The following CACNA2D3 variants were observed in gnomAD, a reference collection of about 807,000 sequenced individuals.
CACNA2D3 encodes the protein voltage-dependent calcium channel subunit alpha-2/delta-3.
Under a neutral mutation model 160.6 loss-of-function variants are expected in CACNA2D3, and 60 were observed. The observed-to-expected ratio is 0.37, with a 90% CI of 0.30 to 0.46. The LOEUF is 0.46. Ranked by LOEUF, CACNA2D3 falls within the 20% of genes least tolerant of loss-of-function variation. The pLI, the probability that CACNA2D3 is intolerant of heterozygous loss-of-function variation, is 1.00. For missense variants in CACNA2D3, 1,205 were observed against 1,365.0 expected (o/e 0.88, Z 1.85); for synonymous variants, 558 against 492.9 (o/e 1.13, Z -1.75).
At chr3:54,911,074 AATCTTAGTCATTAC>A (rs1362271307) in intron 27 of CACNA2D3, among the ~76,000 whole-genome samples, 17 of 152,102 alleles carry the variant, frequency 1.1e-4, no homozygotes, top group African/African-American at 4.1e-4. Flanking sequence ...TTTTAAATCA[AATCTTAGTCATTAC>A]ATCGTTTCAT....
chr3:54,768,544 C>T (rs1702262594), intron 13 of CACNA2D3, among the ~76,000 whole-genome samples: 1 of 152,140 alleles, frequency 6.6e-6, no homozygotes, highest in South Asian at 2.1e-4. Context: ...ACTTTTGTGA[C>T]CACAGAGCCA....
At chr3:54,534,023 A>C (rs1032666192) in intron 5 of CACNA2D3, among the ~76,000 whole-genome samples, 1 of 152,194 alleles carries the variant, frequency 6.6e-6, no homozygotes, top group Non-Finnish European at 1.5e-5. Flanking sequence ...ACACACCCAC[A>C]TCCTGTCCCA....
chr3:55,074,451 C>T lies in CACNA2D3; in HGVS notation c.*245C>T, dbSNP rs913602578. On this transcript the variant is annotated 3_prime_UTR_variant, in exon 38 of 38. Coordinates refer to ENST00000474759, the MANE Select transcript of CACNA2D3 (RefSeq NM_018398.3). ...AGTTTGCCACATGATAATCACCCTT[C>T]ATCAGAAATGGGACCGCAAGTGGTA... The T allele has an allele frequency of 5.5e-5, 28 of 512,134 alleles. No homozygotes were observed. The highest frequency in any genetic ancestry group is 9.8e-5 in the Non-Finnish European group (28 of 285,682). The allele number at this position is 512,134 out of a possible 1,614,324, so 31.7% of individuals were successfully genotyped here.
At chr3:54,723,719 G>A (rs1701220938) in intron 11 of CACNA2D3, among the ~76,000 whole-genome samples, 1 of 152,168 alleles carries the variant, frequency 6.6e-6, no homozygotes, top group Non-Finnish European at 1.5e-5. Flanking sequence ...TGCACCCACT[G>A]TCCAACCATT....
chr3:54,892,947 C>T (rs192911346), intron 25 of CACNA2D3, among the ~76,000 whole-genome samples: 11 of 152,202 alleles, frequency 7.2e-5, no homozygotes, highest in South Asian at 4.2e-4. Flanking sequence ...AAAGTGAGAG[C>T]GATGATCTCT....
intron 3 of CACNA2D3, among the ~76,000 whole-genome samples, chr3:54,338,694 A>G (rs1015343051): frequency 6.6e-6 from 1 of 152,126 alleles, no homozygotes; most frequent in Non-Finnish European, 1.5e-5. Context: ...TCCTGGATCC[A>G]GGTTCAAGTC....
intron 2 of CACNA2D3, among the ~76,000 whole-genome samples, chr3:54,249,662 T>TACAC (rs10656572): frequency 0.092 from 12,166 of 132,628 alleles, 630 homozygotes; most frequent in Admixed American, 0.11. Context: ...TCTGTTTACG[T>TACAC]ACACACACAC....
intron 3 of CACNA2D3, among the ~76,000 whole-genome samples, chr3:54,336,222 T>C (rs550537754): frequency 6.6e-6 from 1 of 152,184 alleles, no homozygotes; most frequent in South Asian, 2.1e-4. Flanking sequence ...CTTCCTCAGC[T>C]GGGCAGGGTC....
chr3:54,724,266 A>C (rs1701233935), intron 11 of CACNA2D3, among the ~76,000 whole-genome samples: 1 of 152,206 alleles, frequency 6.6e-6, no homozygotes, highest in Non-Finnish European at 1.5e-5. Flanking sequence ...AGATTCATAA[A>C]GCAAGTTCTT....
At position 54,122,587 on chromosome 3, in the gene CACNA2D3, C is replaced by T. The variant is rs1699495625; in HGVS notation, c.-127C>T. ...CTGCTCCCCAAGTGAGCCGGGCGCG[C>T]GAGAGGCAGGCGGGGCGGCGCGGAG... is the stretch of plus-strand genomic sequence containing the variant. On this transcript the variant is annotated 5_prime_UTR_variant, in exon 1 of 38. Transcript: ENST00000474759. 2.7e-6 allele frequency: 1 copy of T among 371,238 alleles called. No homozygotes were observed. The highest frequency in any genetic ancestry group is 2.3e-5 in the African/African-American group (1 of 44,146). The allele number at this position is 371,238 out of a possible 1,614,324, so 23.0% of individuals were successfully genotyped here.
intron 13 of CACNA2D3, among the ~76,000 whole-genome samples, chr3:54,765,862 G>A (rs148559116): frequency 1.3e-5 from 2 of 152,212 alleles, no homozygotes; most frequent in Admixed American, 1.3e-4. Flanking sequence ...CAGATCAGTG[G>A]GGCTAAGATG....
Position 54,664,018 on chromosome 3 carries a change from CCA to C in CACNA2D3, c.1167+21778_1167+21779del, listed in dbSNP as rs140879460. ...GTGATTTGAGCAGGCCCAGTTCTCA[CCA>C]GAGTCCCTCAAAGCAAGTGTGGAGA... is the stretch of plus-strand genomic sequence containing the variant. On this transcript the variant is annotated intron_variant, in intron 11 of 37. Coordinates refer to ENST00000474759, the MANE Select transcript of CACNA2D3 (RefSeq NM_018398.3). Among the ~76,000 whole-genome samples, 493 of 152,356 alleles carry C rather than the reference CCA, an allele frequency of 3.2e-3. 3 individuals are homozygous for C. The highest frequency in any genetic ancestry group is 0.011 in the African/African-American group (471 of 41,582).
intron 4 of CACNA2D3, among the ~76,000 whole-genome samples, chr3:54,487,952 T>G (rs1701042947): frequency 6.6e-6 from 1 of 152,170 alleles, no homozygotes; most frequent in Admixed American, 6.5e-5. Context: ...GGCTTGGCAG[T>G]GACTGGAAAG....
At chr3:54,632,116 AAAAGATATTACTCATC>A (rs1286343142) in intron 10 of CACNA2D3, 1 of 152,214 alleles carries the variant, frequency 6.6e-6, no homozygotes, top group Non-Finnish European at 1.5e-5. Flanking sequence ...ATATGAAGAG[AAAAGATATTACTCATC>A]AAACCATTTG....
chr3:54,466,471 C>T (rs1310536431), intron 4 of CACNA2D3, among the ~76,000 whole-genome samples: 2 of 152,092 alleles, frequency 1.3e-5, no homozygotes. Context: ...GATGTTGTTG[C>T]CTTTTTTATT....
At chr3:54,542,305 C>T (rs1280799078) in intron 5 of CACNA2D3, among the ~76,000 whole-genome samples, 1 of 152,040 alleles carries the variant, frequency 6.6e-6, no homozygotes. Flanking sequence ...TGTGATCTGC[C>T]CACGTTGTCC....
At chr3:54,862,214 G>A (rs1699306065) in intron 17 of CACNA2D3, among the ~76,000 whole-genome samples, 1 of 152,138 alleles carries the variant, frequency 6.6e-6, no homozygotes, top group Non-Finnish European at 1.5e-5. Flanking sequence ...AGAAAGGAGA[G>A]AGACTCAGCT....
intron 4 of CACNA2D3, 68 bp from the exon 5 acceptor site, chr3:54,503,424 C>A: frequency 7.0e-7 from 1 of 1,431,292 alleles, no homozygotes; most frequent in Non-Finnish European, 9.8e-7. Flanking sequence ...GGCCTGTGCC[C>A]AGGTCTAAGT....
intron 2 of CACNA2D3, among the ~76,000 whole-genome samples, chr3:54,296,006 C>A (rs1033604815): frequency 6.6e-6 from 1 of 152,108 alleles, no homozygotes; most frequent in South Asian, 2.1e-4. Context: ...GTGCCTGGAG[C>A]ATGAGGGGAG....
Sources: gnomAD v4.1 joint callset for allele counts (sites outside exome capture counted in the v4.1 genomes callset) on GRCh38, gnomAD v4.1.1 for gene constraint, MANE v1.5 for transcripts, NCBI Gene and HGNC (gene_info 2026-07-23, HGNC 2026-07-21) for gene names.